IRAG1: variants seen among roughly 807,000 people sequenced by gnomAD.
IRAG1 encodes the protein inositol 1,4,5-triphosphate receptor associated 1.
In IRAG1, 62 loss-of-function variants were observed where a neutral mutation model predicts 106.2. The ratio of observed to expected loss-of-function variants is 0.58; its 90% CI spans 0.48 to 0.72. The LOEUF (loss-of-function observed/expected upper bound fraction) is 0.72, where lower values mean the gene tolerates loss of function less well. IRAG1 is among the 30% of genes least tolerant of loss of function. The probability of loss-of-function intolerance (pLI) is 0.00; values close to 1 mark genes in which losing one functional copy is unlikely to be tolerated. For synonymous variants in IRAG1, 462 were observed against 443.9 expected, an observed-to-expected ratio of 1.04 and a Z score of -0.51; for missense variants, 1,064 against 1,140.7, an observed-to-expected ratio of 0.93 and a Z score of 0.97.
At chr11:10,603,039 G>A in intron 14 of IRAG1, 81 bp downstream of exon 14, 1 of 1,486,330 alleles carries the variant, frequency 6.7e-7, no homozygotes, top group Non-Finnish European at 9.0e-7. Context: ...AGTGGTATCT[G>A]TAGTTGCCGC....
chr11:10,690,414 C>A, intron 1 of IRAG1: 1 of 1,284,888 alleles, frequency 7.8e-7, no homozygotes, highest in Non-Finnish European at 1.0e-6. Flanking sequence ...CTGTCCTCTG[C>A]TTTCCACCTC....
At chr11:10,602,039 A>G (rs1854071339) in intron 14 of IRAG1, among the ~76,000 whole-genome samples, 2 of 152,214 alleles carry the variant, frequency 1.3e-5, no homozygotes, top group Non-Finnish European at 2.9e-5. Context: ...CCACAGAGGG[A>G]CACACCCAGT....
At chr11:10,690,951 A>C (rs984023468) in intron 1 of IRAG1, among the ~76,000 whole-genome samples, 5 of 152,078 alleles carry the variant, frequency 3.3e-5, no homozygotes, top group Non-Finnish European at 5.9e-5. Context: ...TGGGGGCCCC[A>C]AGCTCTCTTC....
At chr11:10,651,078 C>A (rs187625342) in intron 2 of IRAG1, among the ~76,000 whole-genome samples, 1 of 152,070 alleles carries the variant, frequency 6.6e-6, no homozygotes, top group African/African-American at 2.4e-5. Flanking sequence ...GATGACTGTC[C>A]GATATAACAG....
At chr11:10,640,721 T>C (rs778516862) in intron 2 of IRAG1, among the ~76,000 whole-genome samples, 9 of 152,130 alleles carry the variant, frequency 5.9e-5, no homozygotes, top group African/African-American at 2.2e-4. Context: ...TCAAGAAAGC[T>C]TGGGAGAGCA....
Position 10,693,747 on chromosome 11 carries a change from G to T in IRAG1, c.-145C>A. 1 of 960,364 alleles carries T rather than the reference G, an allele frequency of 1.0e-6. No homozygotes were observed. The highest frequency in any genetic ancestry group is 1.5e-6 in the Non-Finnish European group (1 of 657,404). 59.5% of individuals were successfully genotyped at this position (960,364 alleles called of 1,614,324 possible). A position where few individuals can be genotyped will look rare whatever the true frequency, so the allele number is the denominator to read the frequency against. On this transcript the variant is annotated 5_prime_UTR_variant, in exon 1 of 21. Transcript: ENST00000423302. ...AGCCCCACTCCGGCCTGGCTCGGGG[G>T]ATAATGGCAGGGAAAGCCGACCAGC... is the stretch of plus-strand genomic sequence containing the variant.
intron 18 of IRAG1, among the ~76,000 whole-genome samples, chr11:10,590,694 C>T (rs533180588): frequency 5.3e-5 from 8 of 152,130 alleles, no homozygotes; most frequent in Non-Finnish European, 1.2e-4. Context: ...GCTATAAAAT[C>T]CTCTGAGTGC....
rs192475888 is a variant in IRAG1, at chr11:10,659,116, T to C, written c.68-6934A>G. On this transcript the variant is annotated intron_variant, in intron 1 of 20. Transcript: ENST00000423302. This position sits in a 1 kb window ranked among gnomAD's most constrained non-coding sequence, Gnocchi z 4.1. Reference sequence around the variant, plus strand: ...TTCAAAGCCCCAGTTCTTTCCACTATCCCTGTACTCATGATGACTCCCCCA... The same window carrying C: ...TTCAAAGCCCCAGTTCTTTCCACTACCCCTGTACTCATGATGACTCCCCCA... 7.7e-4 allele frequency among the ~76,000 whole-genome samples: 117 copies of C among 152,344 alleles called. 1 individual carries two copies. The highest frequency in any genetic ancestry group is 7.5e-3 in the Admixed American group (115 of 15,308).
chr11:10,601,807 A>C (rs1854044598), intron 14 of IRAG1, among the ~76,000 whole-genome samples: 1 of 152,240 alleles, frequency 6.6e-6, no homozygotes, highest in African/African-American at 2.4e-5. Context: ...CAGCAGGTAA[A>C]AACAGGATGA....
intron 10 of IRAG1, among the ~76,000 whole-genome samples, chr11:10,618,050 C>T (rs1031585835): frequency 3.9e-5 from 6 of 152,216 alleles, no homozygotes; most frequent in African/African-American, 1.4e-4. Context: ...GCCTTCAAAG[C>T]CTTCAATTTC....
At position 10,632,186 on chromosome 11, in the gene IRAG1, CTTTCT is replaced by C. The variant is rs1421082165; in HGVS notation, c.330-130_330-126del. ...TCTTTGTTTCCTTCTTTCCTTCTTT[CTTTCT>C]TTTTTTTTTTTTTTGACTCAGTTTT... On this transcript the variant is annotated intron_variant, in intron 3 of 20. Transcript: ENST00000423302. The C allele has an allele frequency of 4.1e-4, 269 of 652,176 alleles. No homozygotes were observed. The African/African-American group carries it at 4.6e-3, about 11-fold the overall frequency. The allele number at this position is 652,176 out of a possible 1,614,324, so 40.4% of individuals were successfully genotyped here.
At chr11:10,643,622 A>G (rs1857713013) in intron 2 of IRAG1, among the ~76,000 whole-genome samples, 3 of 150,742 alleles carry the variant, frequency 2.0e-5, no homozygotes, top group Admixed American at 2.0e-4. Flanking sequence ...TCCTAACACT[A>G]CTCCACCCTC....
rs899418309 is a variant in IRAG1 at position 10,628,139 on chromosome 11, G to T, written c.653-114C>A. ...TCCCTTTGCAATCTCAGGCCTGGAAGATTTGCTGACTACCTCCCGTGTGCC... is the reference window on the plus strand; with the variant it reads ...TCCCTTTGCAATCTCAGGCCTGGAATATTTGCTGACTACCTCCCGTGTGCC... On this transcript the variant is annotated intron_variant, in intron 6 of 20. Coordinates refer to ENST00000423302, the MANE Select transcript of IRAG1 (RefSeq NM_130385.4). The surrounding 1 kb of genome is among the most constrained non-coding windows in gnomAD (Gnocchi z 4.1). The T allele has an allele frequency of 8.4e-7, 1 of 1,184,368 alleles. No individual in the cohort carries two copies. The highest frequency in any genetic ancestry group is 2.0e-5 in the Admixed American group (1 of 50,842). 73.4% of individuals were successfully genotyped at this position (1,184,368 alleles called of 1,614,324 possible).
Position 10,591,556 on chromosome 11 carries a change from A to C in IRAG1, c.2232T>G (p.Leu744=). The C allele has an allele frequency of 6.3e-7, 1 of 1,594,828 alleles. No homozygotes were observed. The highest frequency in any genetic ancestry group is 8.5e-7 in the Non-Finnish European group (1 of 1,170,602). ...SLPVTSALPA[L]LENGKTNGDP... is the part of the protein sequence containing the mutation. ...AAAATCGACAAACTTACTTTTCCAA[A>C]AGTGCAGGCAGTGCTGAAGTGACAG... Residue 744 remains leucine, a synonymous_variant, in exon 18 of 21, where the codon CTT becomes CTG. Coordinates refer to ENST00000423302, the MANE Select transcript of IRAG1 (RefSeq NM_130385.4).
chr11:10,657,838 A>T lies in IRAG1; in HGVS notation c.68-5656T>A, dbSNP rs1274383540. On this transcript the variant is annotated intron_variant, in intron 1 of 20. Transcript: ENST00000423302. The surrounding 1 kb of genome is among the most constrained non-coding windows in gnomAD (Gnocchi z 4.1). ...ACTCACCAGTCTTACCCCTGCACCC[A>T]TTTTTACCAATGGGGAACCGAGGCC... 6.6e-6 allele frequency among the ~76,000 whole-genome samples: 1 copy of T among 152,088 alleles called. No individual in the cohort carries two copies. The highest frequency in any genetic ancestry group is 1.5e-5 in the Non-Finnish European group (1 of 68,034).
At chr11:10,655,728 G>T (rs1858868482) in intron 1 of IRAG1, among the ~76,000 whole-genome samples, 1 of 152,202 alleles carries the variant, frequency 6.6e-6, no homozygotes, top group Non-Finnish European at 1.5e-5. Flanking sequence ...ATGGTCTGAA[G>T]TCTCATGAGA....
At chr11:10,622,354 G>A (rs964868154) in intron 10 of IRAG1, among the ~76,000 whole-genome samples, 1 of 152,134 alleles carries the variant, frequency 6.6e-6, no homozygotes, top group Non-Finnish European at 1.5e-5. Flanking sequence ...GAGGCTCTGG[G>A]AAGAGGGAAG....
intron 10 of IRAG1, among the ~76,000 whole-genome samples, chr11:10,617,418 TTGAAG>T (rs1397297963): frequency 1.1e-4 from 16 of 152,344 alleles, no homozygotes; most frequent in African/African-American, 3.4e-4. Flanking sequence ...TTAATTGAAC[TTGAAG>T]TGAAGTGAAA....
chr11:10,587,569 G>A (rs1291263849), intron 18 of IRAG1, among the ~76,000 whole-genome samples: 3 of 152,300 alleles, frequency 2.0e-5, no homozygotes, highest in South Asian at 4.1e-4. Flanking sequence ...AATTTACCCT[G>A]GGTGCTTCAA....
Sources: gnomAD v4.1 joint callset for allele counts (sites outside exome capture counted in the v4.1 genomes callset) on GRCh38, gnomAD v4.1.1 for gene constraint, Gnocchi (gnomAD v3.1) non-coding constraint, MANE v1.5 for transcripts, NCBI Gene and HGNC (gene_info 2026-07-23, HGNC 2026-07-21) for gene names.